Variants in SEMA6D observed in about 807,000 individuals in gnomAD.
SEMA6D encodes the protein semaphorin-6D.
A neutral mutation model predicts 106.6 loss-of-function variants in SEMA6D; 35 were observed. The observed-to-expected ratio is 0.33, with a 90% CI of 0.25 to 0.44. The LOEUF (loss-of-function observed/expected upper bound fraction) is 0.44, where lower values mean the gene tolerates loss of function less well. Among genes scored for constraint, SEMA6D ranks in the 20% least tolerant of loss-of-function variants. The pLI is 1.00. For synonymous variants in SEMA6D, 499 were observed against 487.7 expected (o/e 1.02, Z -0.31); for missense variants, 1,185 against 1,345.9 (o/e 0.88, Z 1.87).
chr15:47,456,625 G>A (rs1173103418), intron 2 of SEMA6D, among the ~76,000 whole-genome samples: 2 of 151,896 alleles, frequency 1.3e-5, no homozygotes, highest in Non-Finnish European at 2.9e-5. Flanking sequence ...CCTTAAACAA[G>A]TAAAGAAAAA....
At chr15:47,766,219 T>C (rs879088559) in intron 15 of SEMA6D, 37 bp downstream of exon 15, 4 of 1,562,870 alleles carry the variant, frequency 2.6e-6, no homozygotes, top group Non-Finnish European at 3.5e-6. Flanking sequence ...GGATGAACTA[T>C]CCTCTCCAGG....
chr15:47,537,106 A>G (rs746330871), intron 3 of SEMA6D, among the ~76,000 whole-genome samples: 1 of 152,248 alleles, frequency 6.6e-6, no homozygotes, highest in Non-Finnish European at 1.5e-5. Context: ...AATACTGGTT[A>G]TGACAATCTC....
intron 1 of SEMA6D, among the ~76,000 whole-genome samples, chr15:47,273,735 A>G (rs747861378): frequency 6.6e-6 from 1 of 152,224 alleles, no homozygotes; most frequent in Non-Finnish European, 1.5e-5. Flanking sequence ...TAACAGGGAA[A>G]GCTAATTGAA....
chr15:47,606,702 G>A (rs1056231800), intron 4 of SEMA6D, among the ~76,000 whole-genome samples: 1 of 152,124 alleles, frequency 6.6e-6, no homozygotes, highest in Non-Finnish European at 1.5e-5. Context: ...GTGTCCTTTT[G>A]AATGTGGTTT....
At chr15:47,756,754 G>A (rs1016512295) in intron 1 of SEMA6D, among the ~76,000 whole-genome samples, 46 of 152,242 alleles carry the variant, frequency 3.0e-4, no homozygotes, top group African/African-American at 1.0e-3. Flanking sequence ...TAAGTAGTCT[G>A]AGGGGTTTAC....
At chr15:47,610,246 G>A (rs976526316) in intron 4 of SEMA6D, among the ~76,000 whole-genome samples, 3 of 152,150 alleles carry the variant, frequency 2.0e-5, no homozygotes, top group African/African-American at 7.2e-5. Flanking sequence ...CCTAGGAAAC[G>A]TATATAAGCA....
chr15:47,493,052 T>G (rs1401078561), intron 3 of SEMA6D, among the ~76,000 whole-genome samples: 2 of 152,138 alleles, frequency 1.3e-5, no homozygotes, highest in African/African-American at 2.4e-5. Context: ...GACACAGATT[T>G]CAAATCAAAA....
At chr15:47,683,704 A>G (rs1350480171) in intron 4 of SEMA6D, among the ~76,000 whole-genome samples, 1 of 152,260 alleles carries the variant, frequency 6.6e-6, no homozygotes, top group Non-Finnish European at 1.5e-5. Flanking sequence ...TATATAACAC[A>G]CACAAACGAG....
intron 4 of SEMA6D, among the ~76,000 whole-genome samples, chr15:47,664,327 A>T (rs77525024): frequency 0.02 from 3,028 of 152,266 alleles, 98 homozygotes; most frequent in African/African-American, 0.07. Flanking sequence ...CTATATAATA[A>T]CTGAGCTCTG....
intron 1 of SEMA6D, among the ~76,000 whole-genome samples, chr15:47,291,826 C>T (rs968706054): frequency 1.3e-5 from 2 of 152,176 alleles, no homozygotes; most frequent in Admixed American, 6.5e-5. Flanking sequence ...TTATGTCTAT[C>T]TAATCTATAT....
chr15:47,403,795 T>A (rs2040472749), intron 1 of SEMA6D, among the ~76,000 whole-genome samples: 1 of 152,102 alleles, frequency 6.6e-6, no homozygotes, highest in Non-Finnish European at 1.5e-5. Context: ...GAGATGGGGC[T>A]GGCTCTTCCT....
At chr15:47,318,617 A>G (rs992609583) in intron 1 of SEMA6D, among the ~76,000 whole-genome samples, 6 of 142,478 alleles carry the variant, frequency 4.2e-5, no homozygotes, top group Non-Finnish European at 7.6e-5. Flanking sequence ...TTATGGCTGC[A>G]TAGTATTCCA....
chr15:47,433,251 G>T (rs182441490), intron 2 of SEMA6D, among the ~76,000 whole-genome samples: 4 of 151,930 alleles, frequency 2.6e-5, no homozygotes, highest in Admixed American at 1.3e-4. Context: ...CTTGAATTGG[G>T]CTCTTCAATT....
chr15:47,647,806 G>A (rs1448385505), intron 4 of SEMA6D, among the ~76,000 whole-genome samples: 1 of 151,746 alleles, frequency 6.6e-6, no homozygotes, highest in Non-Finnish European at 1.5e-5. Context: ...TCTACAGATT[G>A]TAAGATAGGG....
At chr15:47,552,554 AC>A (rs1377029685) in intron 3 of SEMA6D, among the ~76,000 whole-genome samples, 10 of 147,072 alleles carry the variant, frequency 6.8e-5, no homozygotes, top group Non-Finnish European at 1.5e-4. Context: ...ACACACACAC[AC>A]ACATATGGCA....
intron 4 of SEMA6D, among the ~76,000 whole-genome samples, chr15:47,695,952 A>C (rs978420764): frequency 6.6e-6 from 1 of 152,186 alleles, no homozygotes; most frequent in African/African-American, 2.4e-5. Flanking sequence ...TACACATTTA[A>C]AACATTTAAA....
chr15:47,264,354 A>T (rs200478544), intron 1 of SEMA6D, among the ~76,000 whole-genome samples: 1 of 124,664 alleles, frequency 8.0e-6, no homozygotes, highest in Admixed American at 8.0e-5. Context: ...TTTTTTTTTT[A>T]AATATTGTGC....
intron 4 of SEMA6D, among the ~76,000 whole-genome samples, chr15:47,690,928 G>A (rs189995613): frequency 1.3e-4 from 20 of 152,112 alleles, no homozygotes; most frequent in East Asian, 9.7e-4. Context: ...GTTTCATGTC[G>A]CCTTAGTCTC....
chr15:47,640,031 CAAAT>C (rs1349255028), intron 4 of SEMA6D, among the ~76,000 whole-genome samples: 1 of 152,092 alleles, frequency 6.6e-6, no homozygotes, highest in African/African-American at 2.4e-5. Context: ...TTAATAGTAA[CAAAT>C]GTATCATAGT....
Sources: allele counts gnomAD v4.1 joint callset (sites outside exome capture counted in the v4.1 genomes callset), GRCh38; gene constraint gnomAD v4.1.1; transcripts MANE v1.5; gene names NCBI Gene and HGNC (gene_info 2026-07-23, HGNC 2026-07-21).